Variants in NYAP2 observed in about 807,000 individuals in gnomAD.
NYAP2 encodes neuronal tyrosine-phosphorylated phosphoinositide-3-kinase adaptor 2.
In NYAP2, 23 loss-of-function variants were observed where a neutral mutation model predicts 50.4. The observed-to-expected ratio is 0.46, with a 90% CI of 0.33 to 0.65. NYAP2 has a LOEUF of 0.65. Ranked by LOEUF, NYAP2 falls within the 30% of genes least tolerant of loss-of-function variation. The pLI is 0.02. For synonymous variants in NYAP2, 394 were observed against 365.2 expected (o/e 1.08, Z -0.90); for missense variants, 885 against 861.0 (o/e 1.03, Z -0.35).
chr2:225,429,009 G>A (rs1695326259), intron 3 of NYAP2, among the ~76,000 whole-genome samples: 1 of 152,088 alleles, frequency 6.6e-6, no homozygotes, highest in South Asian at 2.1e-4. Flanking sequence ...CCATGAGGCA[G>A]GTTCTATCAT....
chr2:225,611,729 G>A (rs1413374256), intron 5 of NYAP2, among the ~76,000 whole-genome samples: 1 of 151,888 alleles, frequency 6.6e-6, no homozygotes, highest in African/African-American at 2.4e-5. Flanking sequence ...TTCTATTCAG[G>A]CAGAGGTCAT....
chr2:225,562,417 C>T (rs1213567239), intron 4 of NYAP2, among the ~76,000 whole-genome samples: 4 of 152,052 alleles, frequency 2.6e-5, no homozygotes, highest in Admixed American at 6.6e-5. Context: ...TTGTTTTAAA[C>T]GGCTTGCTGG....
At chr2:225,560,360 A>G (rs1260725352) in intron 4 of NYAP2, among the ~76,000 whole-genome samples, 1 of 152,110 alleles carries the variant, frequency 6.6e-6, no homozygotes, top group Non-Finnish European at 1.5e-5. Context: ...ACTTTGAGAG[A>G]AACACTATGA....
chr2:225,521,551 G>T (rs1306492463), intron 4 of NYAP2, among the ~76,000 whole-genome samples: 2 of 152,018 alleles, frequency 1.3e-5, no homozygotes, highest in Non-Finnish European at 2.9e-5. Flanking sequence ...TTTGTCTTTG[G>T]TTCTGTTTAT....
chr2:225,487,745 T>G (rs76360923), intron 3 of NYAP2, among the ~76,000 whole-genome samples: 2,124 of 152,308 alleles, frequency 0.014, 40 homozygotes, highest in African/African-American at 0.047. Flanking sequence ...ACATAGTATT[T>G]ATTTATGGGG....
chr2:225,482,529 T>G (rs1690223901), intron 3 of NYAP2, among the ~76,000 whole-genome samples: 1 of 152,198 alleles, frequency 6.6e-6, no homozygotes, highest in African/African-American at 2.4e-5. Context: ...CTACTAATGA[T>G]GGGTCACTTC....
intron 4 of NYAP2, among the ~76,000 whole-genome samples, chr2:225,536,066 A>G (rs747313253): frequency 6.5e-4 from 99 of 152,352 alleles, no homozygotes; most frequent in Non-Finnish European, 8.8e-4. Flanking sequence ...TGCTTAAATT[A>G]TAAACATAGC....
intron 6 of NYAP2, among the ~76,000 whole-genome samples, chr2:225,638,156 T>TTGTGTG (rs146481098): frequency 0.051 from 6,951 of 135,252 alleles, 287 homozygotes; most frequent in East Asian, 0.22. Context: ...ACTCGTGTGT[T>TTGTGTG]TGTGTGTGTG....
intron 3 of NYAP2, among the ~76,000 whole-genome samples, chr2:225,485,597 A>G (rs994822582): frequency 1.3e-5 from 2 of 152,200 alleles, no homozygotes; most frequent in Non-Finnish European, 2.9e-5. Context: ...GCCAGAGATT[A>G]TTGGTGGGAG....
At chr2:225,595,874 A>C (rs1430940535) in intron 5 of NYAP2, among the ~76,000 whole-genome samples, 1 of 152,032 alleles carries the variant, frequency 6.6e-6, no homozygotes, top group Non-Finnish European at 1.5e-5. Flanking sequence ...TTCCAGCCTT[A>C]ATTTCCCACA....
intron 3 of NYAP2, among the ~76,000 whole-genome samples, chr2:225,512,020 C>T (rs1690827385): frequency 6.6e-6 from 1 of 152,122 alleles, no homozygotes; most frequent in Admixed American, 6.6e-5. Context: ...TGTGTTTACT[C>T]TTGGTGAATG....
At chr2:225,518,507 AC>A (rs1230931593) in intron 4 of NYAP2, among the ~76,000 whole-genome samples, 7 of 126,946 alleles carry the variant, frequency 5.5e-5, no homozygotes, top group Non-Finnish European at 9.9e-5. Flanking sequence ...ACAAAAAAAA[AC>A]AGTATGTGAG....
Position 225,582,381 on chromosome 2 carries a change from A to G in NYAP2, c.964A>G (p.Ile322Val), listed in dbSNP as rs1692294948. ...CCCCCCCAAGGGGCTGCTTTGCGACATCCCTCCGCCCTTCCCCAACCTGCT... is the reference window on the plus strand; with the variant it reads ...CCCCCCCAAGGGGCTGCTTTGCGACGTCCCTCCGCCCTTCCCCAACCTGCT... Residue 322 changes from isoleucine to valine, a missense_variant, in exon 5 of 7, where the codon ATC becomes GTC. Transcript: ENST00000636099. This position sits in a 1 kb window ranked among gnomAD's most constrained non-coding sequence, Gnocchi z 7.0. 6.2e-7 allele frequency: 1 copy of G among 1,610,872 alleles called. No homozygotes were observed.
intron 3 of NYAP2, among the ~76,000 whole-genome samples, chr2:225,436,818 T>C (rs1689387125): frequency 6.6e-6 from 1 of 151,892 alleles, no homozygotes; most frequent in South Asian, 2.1e-4. Flanking sequence ...TTCTGCTTTC[T>C]TTGTCCCCAT....
rs142147473 is a variant in NYAP2 at position 225,484,854 on chromosome 2, G to A, written c.222-28517G>A. ...TCAGTGTCATCTGAAATGTATCAGC[G>A]TCATCTGAAATGTATCAGCATCATC... On this transcript the variant is annotated intron_variant, in intron 3 of 6. Coordinates refer to ENST00000636099, the Ensembl canonical transcript of NYAP2. 2.3e-3 allele frequency among the ~76,000 whole-genome samples: 357 copies of A among 152,272 alleles called. 3 individuals are homozygous for A. Among genetic ancestry groups the A allele is most frequent in the African/African-American group, 8.0e-3 (333 of 41,552 alleles).
chr2:225,472,746 G>T (rs1313580771), intron 3 of NYAP2, among the ~76,000 whole-genome samples: 2 of 152,000 alleles, frequency 1.3e-5, no homozygotes, highest in African/African-American at 2.4e-5. Flanking sequence ...AATTGGATGG[G>T]ATATCTCTTT....
At chr2:225,485,629 G>A (rs904488328) in intron 3 of NYAP2, among the ~76,000 whole-genome samples, 10 of 152,086 alleles carry the variant, frequency 6.6e-5, no homozygotes, top group African/African-American at 2.4e-4. Flanking sequence ...AGTCCCTGTT[G>A]TATTCATTTA....
intron 4 of NYAP2, among the ~76,000 whole-genome samples, chr2:225,518,003 G>A (rs1690965633): frequency 6.6e-6 from 1 of 152,032 alleles, no homozygotes; most frequent in Non-Finnish European, 1.5e-5. Flanking sequence ...GTATGTTGAA[G>A]AGACATCTTT....
intron 6 of NYAP2, among the ~76,000 whole-genome samples, chr2:225,645,151 T>C (rs886379903): frequency 2.0e-5 from 3 of 150,886 alleles, no homozygotes; most frequent in African/African-American, 7.3e-5. Flanking sequence ...TCAGCTACTC[T>C]GAATGCTGAG....
Sources: gnomAD v4.1 joint callset for allele counts (sites outside exome capture counted in the v4.1 genomes callset) on GRCh38, gnomAD v4.1.1 for gene constraint, Gnocchi (gnomAD v3.1) non-coding constraint, MANE v1.5 for transcripts, NCBI Gene and HGNC (gene_info 2026-07-23, HGNC 2026-07-21) for gene names.